Variants in TSNARE1 observed in about 807,000 individuals in gnomAD.
The protein encoded by TSNARE1 is t-SNARE domain containing 1, also known as t-SNARE domain-containing protein 1.
TSNARE1 carries 49 observed loss-of-function variants against 62.0 expected under a neutral mutation model. That is an observed-to-expected ratio of 0.79 (90% CI 0.63 to 1.00). The LOEUF (loss-of-function observed/expected upper bound fraction) is 1.00. Among genes scored for constraint, TSNARE1 ranks in the 50% least tolerant of loss-of-function variants. TSNARE1 has a pLI of 0.00. For missense variants in TSNARE1, 755 were observed against 700.1 expected (o/e 1.08, Z -0.88); for synonymous variants, 328 against 294.4 (o/e 1.11, Z -1.17).
intron 10 of TSNARE1, among the ~76,000 whole-genome samples, chr8:142,295,749 G>T (rs1268398874): frequency 1.3e-5 from 2 of 151,992 alleles, no homozygotes; most frequent in African/African-American, 2.4e-5. Context: ...TGTGCTTCCA[G>T]CTGGGCCGTC....
chr8:142,278,632 A>G (rs1191178617), intron 11 of TSNARE1: 1 of 985,308 alleles, frequency 1.0e-6, no homozygotes, highest in Non-Finnish European at 1.2e-6. Flanking sequence ...CCTCAGAGCC[A>G]GCGTCACCCT....
intron 9 of TSNARE1, among the ~76,000 whole-genome samples, chr8:142,301,592 G>T (rs1365785039): frequency 6.6e-6 from 1 of 152,234 alleles, no homozygotes; most frequent in East Asian, 1.9e-4. Flanking sequence ...ACCTTAGGAA[G>T]GTGTGTGTGG....
At position 142,296,433 on chromosome 8, in the gene TSNARE1, GA is replaced by G. The variant is rs1210395095; in HGVS notation, c.1290+4052del. Among the ~76,000 whole-genome samples, 3 of 143,128 alleles carry G rather than the reference GA, an allele frequency of 2.1e-5. No individual in the cohort carries two copies. In the East Asian group the frequency reaches 6.5e-4, roughly 31 times the overall value. 93.9% of individuals were successfully genotyped at this position (143,128 alleles called of 152,430 possible). ...AGGAGAGGTGGTCACTGTCATGGGG[GA>G]GGGGCGGTCACTGTCATGGGGGAGA... On this transcript the variant is annotated intron_variant, in intron 10 of 13. Coordinates refer to ENST00000524325, the MANE Select transcript of TSNARE1 (RefSeq NM_145003.5).
At chr8:142,217,794 G>A (rs1397496622) in intron 13 of TSNARE1, among the ~76,000 whole-genome samples, 2 of 147,910 alleles carry the variant, frequency 1.4e-5, no homozygotes, top group Non-Finnish European at 3.0e-5. Context: ...TCAGCGTTCA[G>A]GGTGTGGCCA....
At chr8:142,307,811 T>C (rs1186570989) in intron 9 of TSNARE1, among the ~76,000 whole-genome samples, 5 of 152,058 alleles carry the variant, frequency 3.3e-5, no homozygotes, top group Non-Finnish European at 5.9e-5. Flanking sequence ...TGTTCCAAAG[T>C]GGTGATGCAA....
chr8:142,397,394 G>A (rs1313219391), intron 1 of TSNARE1, among the ~76,000 whole-genome samples: 2 of 152,200 alleles, frequency 1.3e-5, no homozygotes, highest in African/African-American at 4.8e-5. Flanking sequence ...AAGTCTCTGG[G>A]ACAGACACAA....
At chr8:142,376,315 C>T (rs192638997) in intron 1 of TSNARE1, among the ~76,000 whole-genome samples, 1 of 152,170 alleles carries the variant, frequency 6.6e-6, no homozygotes, top group African/African-American at 2.4e-5. Flanking sequence ...GCCCAGTGAA[C>T]CCTGCTGTGG....
chr8:142,287,628 G>A (rs1392066998), intron 10 of TSNARE1, among the ~76,000 whole-genome samples: 44 of 124,450 alleles, frequency 3.5e-4, no homozygotes, highest in East Asian at 7.7e-4. Flanking sequence ...CCAGGACCCC[G>A]GCCAGATCTC....
intron 7 of TSNARE1, among the ~76,000 whole-genome samples, chr8:142,315,962 G>C (rs370216266): frequency 6.6e-6 from 1 of 152,326 alleles, no homozygotes; most frequent in South Asian, 2.1e-4. Context: ...CCACCAAGCC[G>C]CGTGAAGGAG....
At position 142,228,727 on chromosome 8, in the gene TSNARE1, C is replaced by T. The variant is rs528314578; in HGVS notation, c.*11+746G>A. Among the ~76,000 whole-genome samples the T allele has an allele frequency of 5.7e-4, 87 of 152,252 alleles. 1 individual carries two copies. The highest frequency in any genetic ancestry group is 6.3e-4 in the Non-Finnish European group (43 of 68,030). On this transcript the variant is annotated intron_variant, in intron 13 of 13. Transcript: ENST00000524325. ...TCCCTAGAGCCCATCCCATGCCTAACACAAAGGAGATGCTCAACAAACACA... is the reference window on the plus strand; with the variant it reads ...TCCCTAGAGCCCATCCCATGCCTAATACAAAGGAGATGCTCAACAAACACA...
chr8:142,232,290 C>T (rs944777737), intron 12 of TSNARE1, among the ~76,000 whole-genome samples: 2 of 152,248 alleles, frequency 1.3e-5, no homozygotes, highest in Admixed American at 6.5e-5. Flanking sequence ...CTGACAGGCC[C>T]GGCCTGGCCT....
chr8:142,384,734 G>C lies in TSNARE1; in HGVS notation c.-40+18370C>G, dbSNP rs567356955. Among the ~76,000 whole-genome samples the C allele has an allele frequency of 7.9e-5, 12 of 152,056 alleles. 1 individual carries two copies. Among genetic ancestry groups the C allele is most frequent in the Non-Finnish European group, 1.8e-4 (12 of 68,008 alleles). On this transcript the variant is annotated intron_variant, in intron 1 of 13. Coordinates refer to ENST00000524325, the MANE Select transcript of TSNARE1 (RefSeq NM_145003.5). Reference sequence around the variant, plus strand: ...GCTAAAATTATTAAAACTCTTACAAGAAAACATAAAGGAAAACATGCATGA... The same window carrying C: ...GCTAAAATTATTAAAACTCTTACAACAAAACATAAAGGAAAACATGCATGA...
chr8:142,235,162 CCGTG>C (rs1817342655), intron 12 of TSNARE1, among the ~76,000 whole-genome samples: 1 of 151,966 alleles, frequency 6.6e-6, no homozygotes, highest in Admixed American at 6.6e-5. Context: ...GTGCTGGTGC[CCGTG>C]GTCCAGAGAA....
intron 4 of TSNARE1, among the ~76,000 whole-genome samples, chr8:142,339,683 C>T (rs1010588953): frequency 5.9e-5 from 9 of 152,248 alleles, no homozygotes; most frequent in Non-Finnish European, 1.0e-4. Context: ...ATGAGGCAGT[C>T]GGGGAAGCAT....
chr8:142,331,708 A>G (rs1180058211), intron 5 of TSNARE1, 46 bp downstream of exon 5: 1 of 1,538,286 alleles, frequency 6.5e-7, no homozygotes, highest in African/African-American at 1.4e-5. Flanking sequence ...TCAGTGGTCC[A>G]GGGTGCCTGG....
chr8:142,300,346 G>T, intron 10 of TSNARE1, 140 bp downstream of exon 10: 2 of 973,274 alleles, frequency 2.1e-6, no homozygotes, highest in Non-Finnish European at 2.9e-6. Flanking sequence ...GGTTAGAATG[G>T]GCAAGGCCAT....
intron 12 of TSNARE1, chr8:142,274,086 CTTAA>C: frequency 2.0e-6 from 2 of 985,360 alleles, no homozygotes; most frequent in Non-Finnish European, 2.4e-6. Context: ...CCTTGCTGGA[CTTAA>C]TGTCCAGCCT....
chr8:142,332,269 A>G (rs2132043609), intron 4 of TSNARE1, among the ~76,000 whole-genome samples: 1 of 152,334 alleles, frequency 6.6e-6, no homozygotes, highest in Admixed American at 6.5e-5. Flanking sequence ...GTTTCCGCAC[A>G]ATGCAGGTGA....
Position 142,375,327 on chromosome 8 carries a change from G to C in TSNARE1, c.-39-20564C>G, listed in dbSNP as rs146692449. ...GGCCTGTGCTGGACAGAGAGCAGCA[G>C]TGGAGCGGTGCCCCGGGGGAGGGCG... On this transcript the variant is annotated intron_variant, in intron 1 of 13. Coordinates refer to ENST00000524325, the MANE Select transcript of TSNARE1 (RefSeq NM_145003.5). Among the ~76,000 whole-genome samples, 701 of 152,366 alleles carry C rather than the reference G, an allele frequency of 4.6e-3. 6 individuals are homozygous for C. Among genetic ancestry groups the C allele is most frequent in the Middle Eastern group, 0.017 (5 of 294 alleles).
Sources: gnomAD v4.1 joint callset for allele counts (sites outside exome capture counted in the v4.1 genomes callset) on GRCh38, gnomAD v4.1.1 for gene constraint, MANE v1.5 for transcripts, NCBI Gene and HGNC (gene_info 2026-07-23, HGNC 2026-07-21) for gene names.